The following SCUBE3 variants were observed in gnomAD, a reference collection of about 807,000 sequenced individuals.
SCUBE3 encodes signal peptide, CUB and EGF-like domain-containing protein 3.
Under a neutral mutation model 116.8 loss-of-function variants are expected in SCUBE3, and 33 were observed. The ratio of observed to expected loss-of-function variants is 0.28; its 90% CI spans 0.21 to 0.38. SCUBE3 has a LOEUF of 0.38. Among genes scored for constraint, SCUBE3 ranks in the 10% least tolerant of loss-of-function variants. The probability of loss-of-function intolerance (pLI) is 1.00; values close to 1 mark genes in which losing one functional copy is unlikely to be tolerated. For synonymous variants in SCUBE3, 418 were observed against 496.9 expected (o/e 0.84, Z 2.11); for missense variants, 1,007 against 1,324.8 (o/e 0.76, Z 3.72).
In SCUBE3 at chr6:35,243,732, C is replaced by A. The variant is rs778226528; in HGVS notation, c.2048C>A (p.Ala683Asp). The change falls in exon 16 of 22, where the codon GCC becomes GAC. Residue 683 changes from alanine (A) to aspartate (D), a missense_variant. Physicochemically the swap from Ala to Asp is moderately radical, Grantham distance 126. Around this residue, in one of 5 missense-constraint regions of SCUBE3, gnomAD observed 544 missense variants for 638.9 expected, o/e 0.85. Transcript: ENST00000274938. The surrounding 1 kb of genome is among the most constrained non-coding windows in gnomAD (Gnocchi z 6.6). ...PGSDAHGPLG[A>D]TNVTTCAGQC... is the part of the protein sequence containing the mutation. ...AGTGATGCCCACGGGCCTCTTGGAG[C>A]CACCAACGTCACCACGTGTGCAGGT... 1 of 1,614,036 alleles carries A rather than the reference C, an allele frequency of 6.2e-7. No individual in the cohort carries two copies. Among genetic ancestry groups the A allele is most frequent in the South Asian group, 1.1e-5 (1 of 91,078 alleles).
rs776541963 is a variant in SCUBE3, at chr6:35,240,323, G to C, written c.953-51G>C. ...TCACTTGGGTCCTTCACCTGAGCAAGGGTCAAGTGCTCCAAGACAGATTCA... is the reference window on the plus strand; with the variant it reads ...TCACTTGGGTCCTTCACCTGAGCAACGGTCAAGTGCTCCAAGACAGATTCA... On this transcript the variant is annotated intron_variant, in intron 8 of 21. Transcript: ENST00000274938. This position sits in a 1 kb window ranked among gnomAD's most constrained non-coding sequence, Gnocchi z 4.6. The C allele has an allele frequency of 8.7e-7, 1 of 1,150,586 alleles. No homozygotes were observed. Among genetic ancestry groups the C allele is most frequent in the Non-Finnish European group, 1.3e-6 (1 of 797,434 alleles). 71.3% of individuals were successfully genotyped at this position (1,150,586 alleles called of 1,614,324 possible). A position where few individuals can be genotyped will look rare whatever the true frequency, so the allele number is the denominator to read the frequency against.
intron 1 of SCUBE3, chr6:35,223,334 C>T (rs1009819079): frequency 6.6e-6 from 1 of 152,238 alleles, no homozygotes; most frequent in Non-Finnish European, 1.5e-5. Flanking sequence ...ATTATTCCCA[C>T]ATACAGAGGA....
In SCUBE3 at chr6:35,239,615, CAGAG is replaced by C. The variant is rs1021608459; in HGVS notation, c.830-131_830-128del. ...GACAGGAAAGAGAAAGAGAAAGAGACAGAGAGAGATCAAGAAGAGGCAGGCCCAG... is the reference window on the plus strand; with the variant it reads ...GACAGGAAAGAGAAAGAGAAAGAGACAGAGATCAAGAAGAGGCAGGCCCAG... On this transcript the variant is annotated intron_variant, in intron 7 of 21. Transcript: ENST00000274938. The surrounding 1 kb of genome is among the most constrained non-coding windows in gnomAD (Gnocchi z 4.1). The C allele has an allele frequency of 4.1e-6, 3 of 723,586 alleles. No homozygotes were observed. The highest frequency in any genetic ancestry group is 1.8e-5 in the African/African-American group (1 of 54,522). The allele number at this position is 723,586 out of a possible 1,614,324, so 44.8% of individuals were successfully genotyped here. A position where few individuals can be genotyped will look rare whatever the true frequency, so the allele number is the denominator to read the frequency against.
intron 1 of SCUBE3, among the ~76,000 whole-genome samples, chr6:35,216,032 A>G (rs1219076335): frequency 6.6e-6 from 1 of 152,242 alleles, no homozygotes; most frequent in Admixed American, 6.5e-5. Context: ...GAAGGAACAG[A>G]TATCATGAAG....
rs778852015 is a variant in SCUBE3, at chr6:35,244,105, T to C, written c.2214T>C (p.Ile738=). 1.9e-6 allele frequency: 3 copies of C among 1,613,904 alleles called. No homozygotes were observed. The highest frequency in any genetic ancestry group is 2.5e-6 in the Non-Finnish European group (3 of 1,179,908). Residue 738 remains isoleucine (I), a synonymous_variant, in exon 17 of 22, where the codon ATT becomes ATC. Transcript: ENST00000274938. This position sits in a 1 kb window ranked among gnomAD's most constrained non-coding sequence, Gnocchi z 4.3. ...GGLTTKHEGA[I]SFQDCDTKVQ... is the part of the protein sequence containing the mutation. ...TCACCACCAAGCATGAAGGGGCCATTTCCTTCCAAGACTGTGACACCAAAG... is the reference window on the plus strand; with the variant it reads ...TCACCACCAAGCATGAAGGGGCCATCTCCTTCCAAGACTGTGACACCAAAG...
chr6:35,237,837 C>T, intron 6 of SCUBE3, 65 bp from the exon 7 acceptor site: 1 of 1,006,064 alleles, frequency 9.9e-7, no homozygotes. Flanking sequence ...CTCCACTACC[C>T]TCAGAGTTTG....
rs1182833588 is a variant in SCUBE3 at position 35,214,266 on chromosome 6, GCCGCGGTCCGCGCC to G, written c.-147_-134del. 6.6e-6 allele frequency among the ~76,000 whole-genome samples: 1 copy of G among 152,016 alleles called. No individual in the cohort carries two copies. Among genetic ancestry groups the G allele is most frequent in the Non-Finnish European group, 1.5e-5 (1 of 67,974 alleles). On this transcript the variant is annotated 5_prime_UTR_variant, in exon 1 of 22. Coordinates refer to ENST00000274938, the MANE Select transcript of SCUBE3 (RefSeq NM_152753.4). The surrounding 1 kb of genome is among the most constrained non-coding windows in gnomAD (Gnocchi z 6.3). The stretch of plus-strand genomic sequence containing the variant: ...GCATCGGGAGCCTCGCGCCGAGGGC[GCCGCGGTCCGCGCC>G]CCGCGACTGCAGCCCCCGGCCTGGC...
Position 35,243,470 on chromosome 6 carries a change from G to A in SCUBE3, c.1910-124G>A, listed in dbSNP as rs1784171834. The A allele has an allele frequency of 9.8e-7, 1 of 1,022,532 alleles. No individual in the cohort carries two copies. Among genetic ancestry groups the A allele is most frequent in the Non-Finnish European group, 1.4e-6 (1 of 699,322 alleles). 63.3% of individuals were successfully genotyped at this position (1,022,532 alleles called of 1,614,324 possible). A position where few individuals can be genotyped will look rare whatever the true frequency, so the allele number is the denominator to read the frequency against. ...CTCCTATCCCCCCAAGTAGGATTGT[G>A]TTTGTTCCCTGACAGAGATTCTCCC... On this transcript the variant is annotated intron_variant, in intron 15 of 21. Transcript: ENST00000274938. The surrounding 1 kb of genome is among the most constrained non-coding windows in gnomAD (Gnocchi z 6.6).
rs144485993 is a variant in SCUBE3, at chr6:35,238,407, C to A, written c.829+389C>A. On this transcript the variant is annotated intron_variant, in intron 7 of 21. Transcript: ENST00000274938. ...ACCTTCTTACCCCACATTCCTCAGA[C>A]CTTCCCAGTGGGCTCTGGGGAAATG... is the stretch of plus-strand genomic sequence containing the variant. Among the ~76,000 whole-genome samples, 106 of 152,322 alleles carry A rather than the reference C, an allele frequency of 7.0e-4. 1 individual carries two copies. The Middle Eastern group carries it at 0.01, about 15-fold the overall frequency.
chr6:35,233,304 G>A lies in SCUBE3; in HGVS notation c.712+3G>A. The A allele has an allele frequency of 6.4e-7, 1 of 1,569,844 alleles. No homozygotes were observed. Among genetic ancestry groups the A allele is most frequent in the Non-Finnish European group, 8.8e-7 (1 of 1,139,698 alleles). ...TACCGACGGGAAGACATGCATCGGT[G>A]GGTGAGGCCAGGGGAGAACTCAGTC... On this transcript the variant is annotated splice_donor_region_variant and intron_variant, in intron 6 of 21. Coordinates refer to ENST00000274938, the MANE Select transcript of SCUBE3 (RefSeq NM_152753.4). The surrounding 1 kb of genome is among the most constrained non-coding windows in gnomAD (Gnocchi z 5.7).
intron 3 of SCUBE3, among the ~76,000 whole-genome samples, chr6:35,230,679 C>T (rs1176356023): frequency 6.6e-6 from 1 of 152,200 alleles, no homozygotes; most frequent in Non-Finnish European, 1.5e-5. Context: ...TACACCTTAG[C>T]TCTTCCAACA....
At chr6:35,238,775 G>T (rs934003601) in intron 7 of SCUBE3, among the ~76,000 whole-genome samples, 1 of 152,108 alleles carries the variant, frequency 6.6e-6, no homozygotes, top group Non-Finnish European at 1.5e-5. Context: ...GAGGAAAAAG[G>T]CAGGGTAGCC....
Position 35,243,606 on chromosome 6 carries a change from A to C in SCUBE3, c.1922A>C (p.Gln641Pro), listed in dbSNP as rs1784185450. 3.1e-6 allele frequency: 5 copies of C among 1,609,942 alleles called. No homozygotes were observed. Among genetic ancestry groups the C allele is most frequent in the Non-Finnish European group, 3.4e-6 (4 of 1,177,004 alleles). The part of the protein sequence containing the change: ...RAGTKCVSCP[Q>P]GTYYHGQTEQ... ...GACTCTCCCTCAGTCAGCTGCCCGC[A>C]GGGAACGTATTACCACGGCCAGACG... Residue 641 changes from glutamine (Q) to proline (P), a missense_variant, in exon 16 of 22, where the codon CAG (glutamine) becomes CCG (proline). Coordinates refer to ENST00000274938, the MANE Select transcript of SCUBE3 (RefSeq NM_152753.4). The surrounding 1 kb of genome is among the most constrained non-coding windows in gnomAD (Gnocchi z 6.6).
In SCUBE3 at chr6:35,214,395, G is replaced by T. The variant is rs1369373995; in HGVS notation, c.-24G>T. 4 of 1,412,542 alleles carry T rather than the reference G, an allele frequency of 2.8e-6. No individual in the cohort carries two copies. The highest frequency in any genetic ancestry group is 2.7e-5 in the Admixed American group (1 of 37,154). The allele number at this position is 1,412,542 out of a possible 1,614,324, so 87.5% of individuals were successfully genotyped here. A position where few individuals can be genotyped will look rare whatever the true frequency, so the allele number is the denominator to read the frequency against. On this transcript the variant is annotated 5_prime_UTR_variant, in exon 1 of 22. Coordinates refer to ENST00000274938, the MANE Select transcript of SCUBE3 (RefSeq NM_152753.4). This position sits in a 1 kb window ranked among gnomAD's most constrained non-coding sequence, Gnocchi z 6.3. ...CCTGGCCGCGAGACCGGCCCCGGCG[G>T]CTGGGCCGCCAGTAGCTCCAGCCAT...
chr6:35,229,804 G>A (rs968725492), intron 3 of SCUBE3, among the ~76,000 whole-genome samples: 25 of 152,132 alleles, frequency 1.6e-4, no homozygotes, highest in African/African-American at 5.6e-4. Context: ...TTTGAAATTT[G>A]AACCCAGGGC....
intron 1 of SCUBE3, chr6:35,223,462 C>T (rs1444279215): frequency 6.6e-6 from 1 of 152,168 alleles, no homozygotes; most frequent in Non-Finnish European, 1.5e-5. Flanking sequence ...TGTGGCTGCC[C>T]TGGTCTCTTC....
chr6:35,217,094 G>T (rs1326914741), intron 1 of SCUBE3, among the ~76,000 whole-genome samples: 1 of 151,686 alleles, frequency 6.6e-6, no homozygotes, highest in East Asian at 1.9e-4. Context: ...AGCATGAGGG[G>T]ACATGGTTTT....
rs1784007302 is a variant in SCUBE3 at position 35,240,780 on chromosome 6, G to C, written c.1069+290G>C. ...TCTCACTGGTTGGGAGGAGTGGAAG[G>C]CTTTAAAAAGCTTGTTGGCTTGGCC... On this transcript the variant is annotated intron_variant, in intron 9 of 21. Transcript: ENST00000274938. This position sits in a 1 kb window ranked among gnomAD's most constrained non-coding sequence, Gnocchi z 4.6. Among the ~76,000 whole-genome samples the C allele has an allele frequency of 6.6e-6, 1 of 152,282 alleles. No individual in the cohort carries two copies. Among genetic ancestry groups the C allele is most frequent in the South Asian group, 2.1e-4 (1 of 4,820 alleles).
chr6:35,228,671 T>C lies in SCUBE3; in HGVS notation c.266T>C (p.Ile89Thr). Residue 89 changes from isoleucine to threonine, a missense_variant, in exon 3 of 22, where the codon ATC becomes ACC. Ile to Thr is a moderately conservative substitution (Grantham distance 89, BLOSUM62 -1). Coordinates refer to ENST00000274938, the MANE Select transcript of SCUBE3 (RefSeq NM_152753.4). This position sits in a 1 kb window ranked among gnomAD's most constrained non-coding sequence, Gnocchi z 4.9. Reference sequence around the variant, plus strand: ...GGTTGTGTGCATGACTGTGTCAACATCCCTGGCAATTACCGGTGTACCTGC... The same window carrying C: ...GGTTGTGTGCATGACTGTGTCAACACCCCTGGCAATTACCGGTGTACCTGC... The part of the protein sequence containing the change: ...NAGCVHDCVN[I>T]PGNYRCTCYD... 6.2e-7 allele frequency: 1 copy of C among 1,613,982 alleles called. No individual in the cohort carries two copies. The highest frequency in any genetic ancestry group is 8.5e-7 in the Non-Finnish European group (1 of 1,179,844).
Sources: gnomAD v4.1 joint callset for allele counts (sites outside exome capture counted in the v4.1 genomes callset) on GRCh38, gnomAD v4.1.1 for gene constraint, gnomAD v4.1.1 regional missense constraint, Gnocchi (gnomAD v3.1) non-coding constraint, MANE v1.5 for transcripts, NCBI Gene and HGNC (gene_info 2026-07-23, HGNC 2026-07-21) for gene names.